PMFBP1: variants seen among roughly 807,000 people sequenced by gnomAD.
PMFBP1 encodes polyamine modulated factor 1 binding protein 1.
Under a neutral mutation model 137.8 loss-of-function variants are expected in PMFBP1, and 131 were observed. That is an observed-to-expected ratio of 0.95 (90% CI 0.82 to 1.10). The LOEUF (loss-of-function observed/expected upper bound fraction) is 1.10. Ranked by LOEUF, PMFBP1 falls within the 50% of genes least tolerant of loss-of-function variation. The probability of loss-of-function intolerance (pLI) is 0.00; values close to 1 mark genes in which losing one functional copy is unlikely to be tolerated. For synonymous variants in PMFBP1, 490 were observed against 450.4 expected (o/e 1.09, Z -1.11); for missense variants, 1,199 against 1,175.4 (o/e 1.02, Z -0.29).
chr16:72,195,752 C>T, the PMFBP1 span, among the ~76,000 whole-genome samples: 2 of 152,224 alleles, frequency 1.3e-5, no homozygotes, highest in African/African-American at 2.4e-5. Context: ...TGTACTTAAA[C>T]CTCAGCAGCA....
chr16:72,170,195 A>G (rs2043201106), intron 2 of PMFBP1, among the ~76,000 whole-genome samples: 1 of 151,532 alleles, frequency 6.6e-6, no homozygotes, highest in African/African-American at 2.4e-5. Flanking sequence ...AATTAAATGA[A>G]GAAAGAGCCT....
At chr16:72,163,654 G>A (rs1343460295) in intron 3 of PMFBP1, among the ~76,000 whole-genome samples, 3 of 152,136 alleles carry the variant, frequency 2.0e-5, no homozygotes, top group Non-Finnish European at 4.4e-5. Context: ...GCAGATAAAA[G>A]GTGTGTCCAC....
the PMFBP1 span, among the ~76,000 whole-genome samples, chr16:72,203,283 A>T: frequency 6.6e-6 from 1 of 152,196 alleles, no homozygotes; most frequent in East Asian, 1.9e-4. Flanking sequence ...CACCTTTGAA[A>T]GTTGCTCTAA....
At position 72,163,271 on chromosome 16, in the gene PMFBP1, A is replaced by C. The variant is rs975064305; in HGVS notation, c.165+1493T>G. 2.6e-5 allele frequency among the ~76,000 whole-genome samples: 4 copies of C among 152,220 alleles called. No individual in the cohort carries two copies. In the East Asian group the frequency reaches 7.7e-4, roughly 29 times the overall value. On this transcript the variant is annotated intron_variant, in intron 3 of 20. Transcript: ENST00000237353. ...TTCTTGGAAACCCAAAGTGTTAGGG[A>C]GCTGTGGGAAAATATCTCCCAGATG...
chr16:72,154,400 A>G lies in PMFBP1; in HGVS notation c.225T>C (p.Ser75=), dbSNP rs2042951694. 6.2e-7 allele frequency: 1 copy of G among 1,614,154 alleles called. No homozygotes were observed. The highest frequency in any genetic ancestry group is 8.5e-7 in the Non-Finnish European group (1 of 1,180,008). ...GGAGTTGTCTCAGATGACACTGTTT[A>G]CTGGACCCAAATTCCACCTCTGACT... ...FEESEVEFGS[S]KQCHLRQLQQ... The change falls in exon 4 of 21, where the codon AGT becomes AGC. Residue 75 remains serine (S), a synonymous_variant. Coordinates refer to ENST00000237353, the MANE Select transcript of PMFBP1 (RefSeq NM_031293.3).
the PMFBP1 span, among the ~76,000 whole-genome samples, chr16:72,211,938 A>T: frequency 6.6e-6 from 1 of 152,218 alleles, no homozygotes; most frequent in Non-Finnish European, 1.5e-5. Context: ...CAGAGGTTGC[A>T]GTGAGCTGAG....
chr16:72,133,119 G>T (rs1036559471), intron 9 of PMFBP1, 128 bp from the exon 10 acceptor site: 3 of 1,027,854 alleles, frequency 2.9e-6, no homozygotes, highest in African/African-American at 3.2e-5. Flanking sequence ...GAACCTCCCT[G>T]CCTCCACTCC....
At chr16:72,136,372 G>T (rs2042631008) in intron 9 of PMFBP1, 76 bp downstream of exon 9, 11 of 1,528,822 alleles carry the variant, frequency 7.2e-6, no homozygotes, top group Non-Finnish European at 9.8e-6. Flanking sequence ...GGTGGGTGAA[G>T]GCAGAACCGG....
At chr16:72,164,700 G>C in intron 3 of PMFBP1, 64 bp downstream of exon 3, 1 of 1,525,426 alleles carries the variant, frequency 6.6e-7, no homozygotes, top group East Asian at 2.3e-5. Context: ...TATTATTCCC[G>C]CCCAAGGGAG....
At chr16:72,145,940 T>C (rs563243487) in intron 5 of PMFBP1, among the ~76,000 whole-genome samples, 14 of 152,220 alleles carry the variant, frequency 9.2e-5, no homozygotes, top group Non-Finnish European at 1.6e-4. Context: ...AACTGAATTC[T>C]ACAAGAGGTA....
intron 5 of PMFBP1, among the ~76,000 whole-genome samples, chr16:72,144,295 G>A (rs538388656): frequency 6.6e-6 from 1 of 151,864 alleles, no homozygotes; most frequent in African/African-American, 2.4e-5. Flanking sequence ...ATTTCATTAA[G>A]AAAAGAAATA....
chr16:72,213,762 G>T, the PMFBP1 span, among the ~76,000 whole-genome samples: 1 of 152,208 alleles, frequency 6.6e-6, no homozygotes, highest in Non-Finnish European at 1.5e-5. Flanking sequence ...AAAAAGTTGA[G>T]CGAAAACTGA....
intron 2 of PMFBP1, among the ~76,000 whole-genome samples, chr16:72,165,332 T>C (rs947535466): frequency 6.6e-6 from 1 of 152,200 alleles, no homozygotes; most frequent in African/African-American, 2.4e-5. Context: ...GATATGGGAT[T>C]CTGAAGTCTC....
At chr16:72,193,519 A>G in the PMFBP1 span, among the ~76,000 whole-genome samples, 1 of 152,138 alleles carries the variant, frequency 6.6e-6, no homozygotes, top group East Asian at 1.9e-4. Flanking sequence ...TTGTCTTTCT[A>G]GAAGAGTAAT....
At position 72,155,090 on chromosome 16, in the gene PMFBP1, T is replaced by C. The variant is rs1335991005; in HGVS notation, c.166-631A>G. Among the ~76,000 whole-genome samples the C allele has an allele frequency of 2.0e-5, 3 of 152,124 alleles. No individual in the cohort carries two copies. In the East Asian group the frequency reaches 5.8e-4, roughly 29 times the overall value. On this transcript the variant is annotated intron_variant, in intron 3 of 20. Transcript: ENST00000237353. ...TTGCTAATCCACAATCTATCTGAAA[T>C]GCTGCTAGGCTCATCCTTCATTTTC...
At position 72,136,595 on chromosome 16, in the gene PMFBP1, C is replaced by T. The variant is rs762454372; in HGVS notation, c.1056G>A (p.Lys352=). The T allele has an allele frequency of 1.2e-6, 2 of 1,614,110 alleles. No homozygotes were observed. The highest frequency in any genetic ancestry group is 1.7e-6 in the Non-Finnish European group (2 of 1,180,008). The change falls in exon 9 of 21, where the codon AAG becomes AAA. Residue 352 remains lysine (K), a synonymous_variant. Transcript: ENST00000237353. ...GCAGTCCGTGCAGGTCCAGCTCCAG[C>T]TTCATCATGTCTACCATGGGGCGGG... The part of the protein sequence containing the change: ...QKRNIMKDMM[K]LELDLHGLRE...
At chr16:72,233,871 G>A in the PMFBP1 span, among the ~76,000 whole-genome samples, 2 of 152,214 alleles carry the variant, frequency 1.3e-5, no homozygotes, top group Non-Finnish European at 2.9e-5. Context: ...CACTTAGCAT[G>A]ATGTTTTCAA....
Position 72,120,197 on chromosome 16 carries a change from C to T in PMFBP1, c.2769-108G>A, listed in dbSNP as rs766261842. 5.2e-6 allele frequency: 8 copies of T among 1,545,536 alleles called. No individual in the cohort carries two copies. The Admixed American group carries it at 5.3e-5, about 10-fold the overall frequency. On this transcript the variant is annotated intron_variant, in intron 19 of 20. Coordinates refer to ENST00000237353, the MANE Select transcript of PMFBP1 (RefSeq NM_031293.3). Reference sequence around the variant, plus strand: ...TCACAGGGAAGACAGCACAGATGCCCAGGTCTGTTCAGAGCCGGCCTGTTA... The same window carrying T: ...TCACAGGGAAGACAGCACAGATGCCTAGGTCTGTTCAGAGCCGGCCTGTTA...
intron 6 of PMFBP1, among the ~76,000 whole-genome samples, chr16:72,140,071 A>C (rs2042693157): frequency 6.6e-6 from 1 of 152,238 alleles, no homozygotes; most frequent in Admixed American, 6.5e-5. Flanking sequence ...CCTTCCATGC[A>C]GCTCTTACAG....
Sources: allele counts gnomAD v4.1 joint callset (sites outside exome capture counted in the v4.1 genomes callset), GRCh38; gene constraint gnomAD v4.1.1; transcripts MANE v1.5; gene names NCBI Gene and HGNC (gene_info 2026-07-23, HGNC 2026-07-21).